Variants in ADGRF5 observed in about 807,000 individuals in gnomAD.
The protein encoded by ADGRF5 is adhesion G protein-coupled receptor F5.
ADGRF5 carries 75 observed loss-of-function variants against 132.3 expected under a neutral mutation model. The observed-to-expected ratio is 0.57, with a 90% confidence interval of 0.47 to 0.69. ADGRF5 has a LOEUF of 0.69. ADGRF5 is among the 30% of genes least tolerant of loss of function. The pLI is 0.00. For missense variants in ADGRF5, 1,516 were observed against 1,630.6 expected (o/e 0.93, Z 1.21); for synonymous variants, 629 against 597.6 (o/e 1.05, Z -0.77).
In ADGRF5 at chr6:46,910,474, G is replaced by A. The variant is rs146014890; in HGVS notation, c.-24-3688C>T. 6.4e-3 allele frequency among the ~76,000 whole-genome samples: 970 copies of A among 152,192 alleles called. 7 individuals are homozygous for A. The highest frequency in any genetic ancestry group is 0.021 in the African/African-American group (852 of 41,530). On this transcript the variant is annotated intron_variant, in intron 1 of 20. Coordinates refer to ENST00000283296, the MANE Select transcript of ADGRF5 (RefSeq NM_001098518.2). ...CTCACTATATTCTAGGTCTGCTGCT[G>A]AGCTCTCTGCAAGGGTTACGCCCTC...
chr6:46,863,333 T>G, intron 14 of ADGRF5: 1 of 589,082 alleles, frequency 1.7e-6, no homozygotes, highest in Non-Finnish European at 3.2e-6. Flanking sequence ...CAGAATTTTA[T>G]ACCTTCATCT....
In ADGRF5 at chr6:46,943,408, C is replaced by T. The variant is rs559855973; in HGVS notation, c.-25+11326G>A. ...TTCACTGGACAAATGTTTCTGGGCA[C>T]CTACTTTGTGCAGAATACTATCTTA... On this transcript the variant is annotated intron_variant, in intron 1 of 20. Transcript: ENST00000265417. 5.9e-5 allele frequency among the ~76,000 whole-genome samples: 9 copies of T among 152,268 alleles called. No individual in the cohort carries two copies. In the South Asian group the frequency reaches 1.9e-3, roughly 32 times the overall value.
chr6:46,931,045 C>T (rs897003929), intron 1 of ADGRF5, among the ~76,000 whole-genome samples: 8 of 151,912 alleles, frequency 5.3e-5, no homozygotes, highest in East Asian at 1.9e-4. Flanking sequence ...CAGAGGGAGA[C>T]GCTGTTTGAA....
intron 4 of ADGRF5, among the ~76,000 whole-genome samples, chr6:46,884,986 G>C (rs1390788588): frequency 6.6e-6 from 1 of 152,144 alleles, no homozygotes; most frequent in Non-Finnish European, 1.5e-5. Context: ...TGGATCACTT[G>C]AGCCCAGGAG....
At chr6:46,861,540 A>G (rs1769748660) in intron 15 of ADGRF5, among the ~76,000 whole-genome samples, 1 of 152,178 alleles carries the variant, frequency 6.6e-6, no homozygotes, top group Non-Finnish European at 1.5e-5. Flanking sequence ...TGAATGCGTA[A>G]GTATTGGTTT....
intron 1 of ADGRF5, among the ~76,000 whole-genome samples, chr6:46,938,230 A>T (rs1180263263): frequency 6.6e-6 from 1 of 152,186 alleles, no homozygotes; most frequent in Non-Finnish European, 1.5e-5. Context: ...GGTGCCTTCT[A>T]CAGCAGTATC....
intron 2 of ADGRF5, among the ~76,000 whole-genome samples, chr6:46,904,630 T>C (rs966872878): frequency 6.6e-6 from 1 of 152,188 alleles, no homozygotes; most frequent in African/African-American, 2.4e-5. Flanking sequence ...TATTGTACAA[T>C]AATGTGAATA....
At position 46,897,570 on chromosome 6, in the gene ADGRF5, G is replaced by A. The variant is rs150793739; in HGVS notation, c.157+2459C>T. 1.4e-4 allele frequency among the ~76,000 whole-genome samples: 22 copies of A among 152,260 alleles called. No homozygotes were observed. In the East Asian group the frequency reaches 2.9e-3, roughly 20 times the overall value. On this transcript the variant is annotated intron_variant, in intron 3 of 20. Transcript: ENST00000283296. The stretch of plus-strand genomic sequence containing the variant: ...CTTCCTTTCATCATTTTCCTGGAGA[G>A]TCGTGTTCTTTTTTTTCTCTTTGAG...
upstream of ADGRF5, among the ~76,000 whole-genome samples, chr6:46,922,174 A>G (rs747145009): frequency 1.9e-4 from 29 of 152,236 alleles, no homozygotes; most frequent in Non-Finnish European, 3.8e-4. Context: ...CATAGGTTAG[A>G]GCTAATGAGA....
chr6:46,915,670 G>T (rs1483500127), intron 1 of ADGRF5, among the ~76,000 whole-genome samples: 1 of 151,536 alleles, frequency 6.6e-6, no homozygotes, highest in Admixed American at 6.6e-5. Flanking sequence ...CAGGGATTTT[G>T]TTAGATTTTA....
intron 10 of ADGRF5, among the ~76,000 whole-genome samples, chr6:46,873,760 C>T (rs1246012216): frequency 6.6e-6 from 1 of 152,208 alleles, no homozygotes; most frequent in Non-Finnish European, 1.5e-5. Flanking sequence ...ACCTTCAACT[C>T]AATTGGTCCA....
At chr6:46,916,139 T>C (rs997539433) in intron 1 of ADGRF5, among the ~76,000 whole-genome samples, 1 of 152,262 alleles carries the variant, frequency 6.6e-6, no homozygotes, top group Non-Finnish European at 1.5e-5. Context: ...TGTCAGTTTA[T>C]GTGAGAATTC....
chr6:46,869,586 G>A (rs1054475169), intron 11 of ADGRF5, among the ~76,000 whole-genome samples: 1 of 152,054 alleles, frequency 6.6e-6, no homozygotes, highest in Admixed American at 6.5e-5. Context: ...GCCCTCAAGG[G>A]CAGACCTGTA....
intron 8 of ADGRF5, among the ~76,000 whole-genome samples, chr6:46,880,373 CTT>C (rs752974906): frequency 6.7e-6 from 1 of 150,038 alleles, no homozygotes; most frequent in African/African-American, 2.4e-5. Flanking sequence ...AAAAAACAAA[CTT>C]AAATACCAAG....
In ADGRF5 at chr6:46,854,047, T is replaced by C; in HGVS notation, c.3986A>G (p.Glu1329Gly). ...GTTTTCCAGGGATGAGCTGGTTGCT[T>C]CTGGGGTGGAAACATTATACGTTCC... The part of the protein sequence containing the change: ...KTGTYNVSTP[E>G]ATSSSLENSS... Residue 1329 changes from glutamate (E) to glycine (G), a missense_variant, in exon 21 of 21, where the codon GAA (glutamate) becomes GGA (glycine). Physicochemically the swap from Glu to Gly is moderately conservative, Grantham distance 98. Around this residue, in one of 2 missense-constraint regions of ADGRF5, gnomAD observed 571 missense variants for 701.2 expected, o/e 0.81. Coordinates refer to ENST00000283296, the MANE Select transcript of ADGRF5 (RefSeq NM_001098518.2). The C allele has an allele frequency of 6.2e-7, 1 of 1,603,410 alleles. No homozygotes were observed. Among genetic ancestry groups the C allele is most frequent in the Non-Finnish European group, 8.5e-7 (1 of 1,176,474 alleles).
intron 12 of ADGRF5, among the ~76,000 whole-genome samples, chr6:46,867,601 C>T (rs949409410): frequency 6.6e-6 from 1 of 152,124 alleles, no homozygotes; most frequent in Admixed American, 6.5e-5. Flanking sequence ...CTCATCATGG[C>T]CCCAGAGGAC....
intron 15 of ADGRF5, among the ~76,000 whole-genome samples, chr6:46,861,494 T>C (rs1769742509): frequency 6.6e-6 from 1 of 152,136 alleles, no homozygotes; most frequent in South Asian, 2.1e-4. Flanking sequence ...CGAAAAGCAT[T>C]TGATAGATGT....
intron 12 of ADGRF5, among the ~76,000 whole-genome samples, chr6:46,868,094 A>G (rs1028275607): frequency 6.6e-6 from 1 of 152,178 alleles, no homozygotes; most frequent in African/African-American, 2.4e-5. Flanking sequence ...AATAAAAAGA[A>G]GACATGGGAC....
intron 1 of ADGRF5, among the ~76,000 whole-genome samples, chr6:46,936,176 C>G (rs9472913): frequency 0.019 from 2,871 of 152,254 alleles, 82 homozygotes; most frequent in African/African-American, 0.065. Flanking sequence ...TGAGGAAAAT[C>G]AGTCTCAGAG....
Sources: allele counts gnomAD v4.1 joint callset (sites outside exome capture counted in the v4.1 genomes callset), GRCh38; gene constraint gnomAD v4.1.1; regional missense constraint gnomAD v4.1.1; transcripts MANE v1.5; gene names NCBI Gene and HGNC (gene_info 2026-07-23, HGNC 2026-07-21).